ENTREP1: variants seen among roughly 807,000 people sequenced by gnomAD.
ENTREP1 encodes endosomal transmembrane epsin interactor 1.
chr9:69,372,359 C>T, the ENTREP1 span, among the ~76,000 whole-genome samples: 13 of 152,234 alleles, frequency 8.5e-5, no homozygotes, highest in South Asian at 2.7e-3. Flanking sequence ...ATCCTCCAGC[C>T]CCTGGCAATC....
At chr9:69,325,698 C>T in the ENTREP1 span, 1 of 1,230,584 alleles carries the variant, frequency 8.1e-7, no homozygotes, top group Non-Finnish European at 1.0e-6. Context: ...GTGAAGAACT[C>T]GTGCCCGTTC....
chr9:69,392,442 GTTTAC>G, the ENTREP1 span: 2 of 152,876 alleles, frequency 1.3e-5, no homozygotes. Context: ...GAATAAACAT[GTTTAC>G]TTTGGGCCAC....
the ENTREP1 span, among the ~76,000 whole-genome samples, chr9:69,388,974 C>T: frequency 6.6e-6 from 1 of 152,146 alleles, no homozygotes; most frequent in Non-Finnish European, 1.5e-5. Context: ...AAGGCAATCC[C>T]CGAAACTGAA....
the ENTREP1 span, among the ~76,000 whole-genome samples, chr9:69,389,714 A>G: frequency 5.3e-5 from 8 of 152,240 alleles, no homozygotes; most frequent in African/African-American, 1.4e-4. Flanking sequence ...ATGAGCTAAG[A>G]GCTGGAGCAT....
At chr9:69,331,810 GAGTACGCAC>G in the ENTREP1 span, among the ~76,000 whole-genome samples, 2 of 152,144 alleles carry the variant, frequency 1.3e-5, no homozygotes, top group African/African-American at 4.8e-5. Flanking sequence ...GTGTGTGAGT[GAGTACGCAC>G]AGGTCCAAGC....
At chr9:69,386,165 T>A in the ENTREP1 span, 1 of 391,298 alleles carries the variant, frequency 2.6e-6, no homozygotes, top group Non-Finnish European at 4.4e-6. Context: ...TGTTTTTTTT[T>A]AAAGTCATTG....
chr9:69,355,754 G>A, the ENTREP1 span, among the ~76,000 whole-genome samples: 4 of 152,302 alleles, frequency 2.6e-5, no homozygotes, highest in African/African-American at 7.2e-5. Context: ...CCGGACCTCC[G>A]TGATGGCTCT....
chr9:69,353,404 C>A, the ENTREP1 span, among the ~76,000 whole-genome samples: 1 of 152,194 alleles, frequency 6.6e-6, no homozygotes, highest in Non-Finnish European at 1.5e-5. Flanking sequence ...CATTTTGCCA[C>A]ATTTGCTGTC....
chr9:69,341,198 G>A, the ENTREP1 span, among the ~76,000 whole-genome samples: 5 of 151,378 alleles, frequency 3.3e-5, no homozygotes, highest in East Asian at 9.7e-4. Context: ...TTTTTTTCTT[G>A]TCAATTAGAT....
At chr9:69,348,029 T>C in the ENTREP1 span, among the ~76,000 whole-genome samples, 1 of 152,228 alleles carries the variant, frequency 6.6e-6, no homozygotes. Flanking sequence ...GTTTATATTT[T>C]TCTGAGATGT....
At chr9:69,335,738 G>A in the ENTREP1 span, among the ~76,000 whole-genome samples, 1 of 113,106 alleles carries the variant, frequency 8.8e-6, no homozygotes, top group Non-Finnish European at 2.0e-5. Context: ...GAGCTTGACT[G>A]AGAAATAGTG....
At chr9:69,383,269 C>A in the ENTREP1 span, 1 of 668,780 alleles carries the variant, frequency 1.5e-6, no homozygotes, top group Non-Finnish European at 1.9e-6. Context: ...AGTTCCAAAG[C>A]ATTTTCAGTA....
At chr9:69,334,775 CTTT>C in the ENTREP1 span, among the ~76,000 whole-genome samples, 29 of 130,580 alleles carry the variant, frequency 2.2e-4, no homozygotes, top group African/African-American at 7.1e-4. Context: ...CTTTCCTTTT[CTTT>C]TTTTTTTTTT....
the ENTREP1 span, among the ~76,000 whole-genome samples, chr9:69,363,227 C>T: frequency 1.3e-5 from 2 of 152,148 alleles, no homozygotes; most frequent in African/African-American, 4.8e-5. Context: ...AGTTCTCTGT[C>T]AACTTTGTGT....
chr9:69,376,472 T>C, the ENTREP1 span, among the ~76,000 whole-genome samples: 1 of 152,190 alleles, frequency 6.6e-6, no homozygotes, highest in Non-Finnish European at 1.5e-5. Context: ...CATCAGGGAA[T>C]TGGATAAAAA....
chr9:69,336,900 A>G, the ENTREP1 span, among the ~76,000 whole-genome samples: 4 of 147,506 alleles, frequency 2.7e-5, no homozygotes, highest in South Asian at 4.5e-4. Flanking sequence ...GGGTTTCACT[A>G]TGTTGGTCAG....
At chr9:69,361,934 CTATCCT>C in the ENTREP1 span, among the ~76,000 whole-genome samples, 6 of 152,280 alleles carry the variant, frequency 3.9e-5, no homozygotes, top group Admixed American at 3.9e-4. Flanking sequence ...CATGTTCTCT[CTATCCT>C]TAAGGATTTC....
the ENTREP1 span, among the ~76,000 whole-genome samples, chr9:69,332,240 A>G: frequency 6.6e-6 from 1 of 152,224 alleles, no homozygotes; most frequent in Non-Finnish European, 1.5e-5. Flanking sequence ...GAGAAGTTGA[A>G]TAAAAGTAGG....
At chr9:69,340,547 G>A in the ENTREP1 span, among the ~76,000 whole-genome samples, 1 of 152,118 alleles carries the variant, frequency 6.6e-6, no homozygotes, top group Non-Finnish European at 1.5e-5. Flanking sequence ...GTAAATATTT[G>A]TAGCTATTTA....
Sources: gnomAD v4.1 joint callset for allele counts (sites outside exome capture counted in the v4.1 genomes callset) on GRCh38, gnomAD v4.1.1 for gene constraint, MANE v1.5 for transcripts, NCBI Gene and HGNC (gene_info 2026-07-23, HGNC 2026-07-21) for gene names.